Variants in ITIH1 observed in about 807,000 individuals in gnomAD.
ITIH1 encodes the protein inter-alpha-trypsin inhibitor heavy chain H1.
ITIH1 carries 94 observed loss-of-function variants against 104.6 expected under a neutral mutation model. That is an observed-to-expected ratio of 0.90 (90% CI 0.76 to 1.07). The LOEUF is 1.07. Ranked by LOEUF, ITIH1 falls within the 50% of genes least tolerant of loss-of-function variation. The probability of loss-of-function intolerance (pLI) is 0.00; values close to 1 mark genes in which losing one functional copy is unlikely to be tolerated. For missense variants in ITIH1, 1,193 were observed against 1,181.4 expected, an observed-to-expected ratio of 1.01 and a Z score of -0.14; for synonymous variants, 455 against 464.4, an observed-to-expected ratio of 0.98 and a Z score of 0.26.
Position 52,783,229 on chromosome 3 carries a change from G to C in ITIH1, c.1115G>C (p.Gly372Ala), listed in dbSNP as rs2154108383. The change falls in exon 10 of 22, where the codon GGA (glycine) becomes GCA (alanine). Residue 372 changes from glycine to alanine, a missense_variant. Coordinates refer to ENST00000273283, the MANE Select transcript of ITIH1 (RefSeq NM_002215.4). ...TTCCTTGCAGCCACAAACCTGAATGGAGGTTTGCTCCGGGGAATTGAGATC... is the reference window on the plus strand; with the variant it reads ...TTCCTTGCAGCCACAAACCTGAATGCAGGTTTGCTCCGGGGAATTGAGATC... ...FSLDEATNLN[G>A]GLLRGIEILN... 1.2e-6 allele frequency: 2 copies of C among 1,614,114 alleles called. No individual in the cohort carries two copies. Among genetic ancestry groups the C allele is most frequent in the East Asian group, 4.5e-5 (2 of 44,882 alleles).
Position 52,786,362 on chromosome 3 carries a change from GT to G in ITIH1, c.1662del (p.Gly555AlafsTer25). 2 of 1,580,758 alleles carry G rather than the reference GT, an allele frequency of 1.3e-6. No individual in the cohort carries two copies. Among genetic ancestry groups the G allele is most frequent in the Non-Finnish European group, 1.7e-6 (2 of 1,162,724 alleles). On this transcript the variant is annotated frameshift_variant, in exon 13 of 22. Transcript: ENST00000273283. LOFTEE classifies it high-confidence loss of function. ...EEEMKKLLRE[R>X]GHMLENHVER... ...GAGATGAAGAAACTGCTCCGAGAGC[GT>G]GGCCACATGCTGGAGAACCACGTCG...
chr3:52,785,045 G>T lies in ITIH1; in HGVS notation c.1409G>T (p.Gly470Val), dbSNP rs191667061. The T allele has an allele frequency of 1.2e-6, 2 of 1,613,868 alleles. No homozygotes were observed. The highest frequency in any genetic ancestry group is 1.7e-6 in the Non-Finnish European group (2 of 1,179,986). Residue 470 changes from glycine (G) to valine (V), a missense_variant and splice_region_variant, in exon 12 of 22, where the codon GGT becomes GTT. Physicochemically the swap from Gly to Val is moderately radical, Grantham distance 109. Coordinates refer to ENST00000273283, the MANE Select transcript of ITIH1 (RefSeq NM_002215.4). ...AGGCTGCAACCTCTATCCCTGCAGG[G>T]TTTCTACAGCCAGGTAGCCAAACCC... ...EDHDATQQLQ[G>V]FYSQVAKPLL...
At position 52,782,012 on chromosome 3, in the gene ITIH1, G is replaced by C. The variant is rs768166265; in HGVS notation, c.760G>C (p.Gly254Arg). ...CPTCSTSLLN[G>R]HFKVTYDVSR... ...CACATGCTCTACATCCTTACTGAAC[G>C]GGCACTTCAAGGTGACCTACGATGT... is the stretch of plus-strand genomic sequence containing the variant. Residue 254 changes from glycine to arginine, a missense_variant, in exon 7 of 22, where the codon GGG becomes CGG. Physicochemically the swap from Gly to Arg is moderately radical, Grantham distance 125. Coordinates refer to ENST00000273283, the MANE Select transcript of ITIH1 (RefSeq NM_002215.4). The C allele has an allele frequency of 6.8e-6, 11 of 1,613,946 alleles. No individual in the cohort carries two copies. The highest frequency in any genetic ancestry group is 8.5e-6 in the Non-Finnish European group (10 of 1,180,022).
In ITIH1 at chr3:52,782,234, CAG is replaced by C. The variant is rs759413524; in HGVS notation, c.898_899del (p.Ser300TrpfsTer17). The C allele has an allele frequency of 3.7e-6, 6 of 1,614,046 alleles. No homozygotes were observed. Among genetic ancestry groups the C allele is most frequent in the Non-Finnish European group, 5.1e-6 (6 of 1,180,012 alleles). On this transcript the variant is annotated frameshift_variant, in exon 8 of 22. Transcript: ENST00000273283. LOFTEE classifies it high-confidence loss of function. The part of the protein sequence containing the change: ...NKNVVFVIDI[S>X]GSMRGQKVKQ... ...AGAACGTGGTTTTTGTGATTGACAT[CAG>C]TGGCTCCATGAGAGGCCAGAAAGTG... is the stretch of plus-strand genomic sequence containing the variant.
intron 19 of ITIH1, chr3:52,790,094 C>A (rs982470654): frequency 1.8e-6 from 1 of 558,888 alleles, no homozygotes; most frequent in Non-Finnish European, 3.2e-6. Flanking sequence ...CTGAATGCCA[C>A]CCCTGTCTCT....
rs1699076490 is a variant in ITIH1, at chr3:52,782,189, A to G, written c.852A>G (p.Gln284=). The G allele has an allele frequency of 6.2e-7, 1 of 1,614,094 alleles. No homozygotes were observed. The highest frequency in any genetic ancestry group is 8.5e-7 in the Non-Finnish European group (1 of 1,180,012). ...ACTTTGCCCACTTCTTTGCCCCCCA[A>G]AACCTGACAAACATGAACAAGAACG... ...NNHFAHFFAP[Q]NLTNMNKNVV... The change falls in exon 8 of 22, where the codon CAA becomes CAG. Residue 284 remains glutamine, a synonymous_variant. Transcript: ENST00000273283.
At chr3:52,784,498 G>GT (rs1373887367) in intron 11 of ITIH1, 21 bp downstream of exon 11, 1 of 1,610,524 alleles carries the variant, frequency 6.2e-7, no homozygotes, top group East Asian at 2.2e-5. Flanking sequence ...ACAACCCCCT[G>GT]TACCTCCAAT....
intron 8 of ITIH1, 60 bp downstream of exon 8, chr3:52,782,327 A>G (rs1699081209): frequency 7.6e-7 from 1 of 1,318,220 alleles, no homozygotes. Flanking sequence ...ATCACTCACC[A>G]CATGCCAGTT....
In ITIH1 at chr3:52,786,329, A is replaced by G; in HGVS notation, c.1628A>G (p.Asp543Gly). 1 of 1,573,308 alleles carries G rather than the reference A, an allele frequency of 6.4e-7. No individual in the cohort carries two copies. Among genetic ancestry groups the G allele is most frequent in the Non-Finnish European group, 8.6e-7 (1 of 1,158,276 alleles). The change falls in exon 13 of 22, where the codon GAT (aspartate) becomes GGT (glycine). Residue 543 changes from aspartate to glycine, a missense_variant. Coordinates refer to ENST00000273283, the MANE Select transcript of ITIH1 (RefSeq NM_002215.4). ...GAATTCAGTATAACCTGCCTAGTGGATGAGGAGGAGATGAAGAAACTGCTC... is the reference window on the plus strand; with the variant it reads ...GAATTCAGTATAACCTGCCTAGTGGGTGAGGAGGAGATGAAGAAACTGCTC... The part of the protein sequence containing the change: ...GQEFSITCLV[D>G]EEEMKKLLRE...
chr3:52,784,946 C>T, intron 11 of ITIH1, 98 bp from the exon 12 acceptor site: 1 of 1,259,374 alleles, frequency 7.9e-7, no homozygotes, highest in Non-Finnish European at 1.1e-6. Context: ...CAAATTCCTT[C>T]TCTAACTTGG....
Position 52,788,173 on chromosome 3 carries a change from C to T in ITIH1, c.2006-59C>T, listed in dbSNP as rs920420192. The stretch of plus-strand genomic sequence containing the variant: ...GGGACCTGCCTAGCTGAACCCCAAC[C>T]CCTGGCCAGCCCCATCTGCCCGATG... On this transcript the variant is annotated intron_variant, in intron 17 of 21. Coordinates refer to ENST00000273283, the MANE Select transcript of ITIH1 (RefSeq NM_002215.4). The T allele has an allele frequency of 6.6e-6, 10 of 1,516,454 alleles. No homozygotes were observed. The African/African-American group carries it at 1.2e-4, about 19-fold the overall frequency. 93.9% of individuals were successfully genotyped at this position (1,516,454 alleles called of 1,614,324 possible). A position where few individuals can be genotyped will look rare whatever the true frequency, so the allele number is the denominator to read the frequency against.
At position 52,784,349 on chromosome 3, in the gene ITIH1, A is replaced by G; in HGVS notation, c.1279A>G (p.Arg427Gly). 6.2e-7 allele frequency: 1 copy of G among 1,614,156 alleles called. No individual in the cohort carries two copies. The highest frequency in any genetic ancestry group is 8.5e-7 in the Non-Finnish European group (1 of 1,180,002). Residue 427 changes from arginine (R) to glycine (G), a missense_variant, in exon 11 of 22, where the codon AGG becomes GGG. Coordinates refer to ENST00000273283, the MANE Select transcript of ITIH1 (RefSeq NM_002215.4). ...LKNVRNAIRG[R>G]FPLYNLGFGH... is the part of the protein sequence containing the mutation. ...GAACGTCCGCAACGCCATCCGGGGC[A>G]GGTTCCCGCTCTACAACCTGGGTTT...
At chr3:52,785,310 A>T (rs535133429) in intron 12 of ITIH1, 81 bp downstream of exon 12, 1 of 1,416,346 alleles carries the variant, frequency 7.1e-7, no homozygotes, top group Non-Finnish European at 9.8e-7. Flanking sequence ...CATTCCTGCC[A>T]TCCCCCAGAG....
chr3:52,779,417 T>C lies in ITIH1; in HGVS notation c.411-15T>C. 1 of 1,614,168 alleles carries C rather than the reference T, an allele frequency of 6.2e-7. No homozygotes were observed. Among genetic ancestry groups the C allele is most frequent in the Non-Finnish European group, 8.5e-7 (1 of 1,179,970 alleles). On this transcript the variant is annotated splice_polypyrimidine_tract_variant and intron_variant, in intron 4 of 21. Coordinates refer to ENST00000273283, the MANE Select transcript of ITIH1 (RefSeq NM_002215.4). The surrounding 1 kb of genome is among the most constrained non-coding windows in gnomAD (Gnocchi z 4.4). The stretch of plus-strand genomic sequence containing the variant: ...CCCTCTGTCTGTCTGCTGTTGCCTC[T>C]GGTGGCACATCCAGGGCCTCGGGGA...
At chr3:52,787,889 C>A in intron 16 of ITIH1, 97 bp from the exon 17 acceptor site, 1 of 1,264,412 alleles carries the variant, frequency 7.9e-7, no homozygotes, top group Non-Finnish European at 1.2e-6. Flanking sequence ...TGGCCTCAGG[C>A]CAGCCCCACC....
At position 52,784,277 on chromosome 3, in the gene ITIH1, C is replaced by T. The variant is rs1699140253; in HGVS notation, c.1226-19C>T. 1 of 1,607,750 alleles carries T rather than the reference C, an allele frequency of 6.2e-7. No homozygotes were observed. Among genetic ancestry groups the T allele is most frequent in the Middle Eastern group, 1.7e-4 (1 of 6,026 alleles). On this transcript the variant is annotated intron_variant, in intron 10 of 21. Coordinates refer to ENST00000273283, the MANE Select transcript of ITIH1 (RefSeq NM_002215.4). The stretch of plus-strand genomic sequence containing the variant: ...CTGTGGGCCAGCATCCCGTCACTAC[C>T]CAGGTGTGTGGCTTGCAGGGGTGAC...
chr3:52,781,940 G>A lies in ITIH1; in HGVS notation c.688G>A (p.Gly230Ser). The A allele has an allele frequency of 6.2e-7, 1 of 1,613,992 alleles. No individual in the cohort carries two copies. Residue 230 changes from glycine (G) to serine (S), a missense_variant and splice_region_variant, in exon 7 of 22, where the codon GGT becomes AGT. Physicochemically the swap from Gly to Ser is moderately conservative, Grantham distance 56 (BLOSUM62 0). Coordinates refer to ENST00000273283, the MANE Select transcript of ITIH1 (RefSeq NM_002215.4). Reference sequence around the variant, plus strand: ...TGGCTCACACTCTCGACGGTTCCAGGGTCATGTGCTGTTCCGTCCCACCGT... The same window carrying A: ...TGGCTCACACTCTCGACGGTTCCAGAGTCATGTGCTGTTCCGTCCCACCGT... Reference protein sequence around the residue: ...TIKKSFSGKKGHVLFRPTVSQ... With the variant: ...TIKKSFSGKKSHVLFRPTVSQ...
rs1331250446 is a variant in ITIH1 at position 52,786,927 on chromosome 3, CCT to C, written c.1734-15_1734-14del. 6.3e-7 allele frequency: 1 copy of C among 1,598,434 alleles called. No individual in the cohort carries two copies. Among genetic ancestry groups the C allele is most frequent in the Non-Finnish European group, 8.5e-7 (1 of 1,170,742 alleles). Reference sequence around the variant, plus strand: ...CGTGCAAGTCGGGGCTTGGAGCCAGCCTCTGTCTTGAATGCAGGATGAAGGTG... The same window carrying C: ...CGTGCAAGTCGGGGCTTGGAGCCAGCCTGTCTTGAATGCAGGATGAAGGTG... On this transcript the variant is annotated splice_polypyrimidine_tract_variant and intron_variant, in intron 13 of 21. Transcript: ENST00000273283.
chr3:52,782,225 G>C lies in ITIH1; in HGVS notation c.888G>C (p.Val296=), dbSNP rs777284938. The part of the protein sequence containing the change: ...LTNMNKNVVF[V]IDISGSMRGQ... The stretch of plus-strand genomic sequence containing the variant: ...ACATGAACAAGAACGTGGTTTTTGT[G>C]ATTGACATCAGTGGCTCCATGAGAG... The change falls in exon 8 of 22, where the codon GTG becomes GTC. Residue 296 remains valine (V), a synonymous_variant. Coordinates refer to ENST00000273283, the MANE Select transcript of ITIH1 (RefSeq NM_002215.4). 15 of 1,614,014 alleles carry C rather than the reference G, an allele frequency of 9.3e-6. No individual in the cohort carries two copies. The highest frequency in any genetic ancestry group is 1.3e-5 in the Non-Finnish European group (15 of 1,180,048).
Sources: allele counts gnomAD v4.1 joint callset, GRCh38; gene constraint gnomAD v4.1.1; non-coding constraint Gnocchi (gnomAD v3.1); transcripts MANE v1.5; gene names NCBI Gene and HGNC (gene_info 2026-07-23, HGNC 2026-07-21).